The following DENND1A variants were observed in gnomAD, a reference collection of about 807,000 sequenced individuals.
The protein encoded by DENND1A is DENN domain containing 1A, also known as DENN domain-containing protein 1A.
Under a neutral mutation model 113.7 loss-of-function variants are expected in DENND1A, and 51 were observed. The ratio of observed to expected loss-of-function variants is 0.45; its 90% CI spans 0.36 to 0.57. DENND1A has a LOEUF of 0.57. Among genes scored for constraint, DENND1A ranks in the 20% least tolerant of loss-of-function variants. The pLI is 0.00. For synonymous variants in DENND1A, 565 were observed against 570.8 expected, an observed-to-expected ratio of 0.99 and a Z score of 0.14; for missense variants, 1,258 against 1,395.9, an observed-to-expected ratio of 0.90 and a Z score of 1.57.
intron 17 of DENND1A, 104 bp downstream of exon 17, chr9:123,452,172 C>A (rs1024957416): frequency 1.8e-6 from 2 of 1,104,964 alleles, no homozygotes. Flanking sequence ...CCAGCCTGGG[C>A]AACAGAGCAA....
intron 8 of DENND1A, among the ~76,000 whole-genome samples, chr9:123,660,197 C>T (rs900547244): frequency 3.3e-5 from 5 of 152,066 alleles, no homozygotes; most frequent in African/African-American, 7.2e-5. Flanking sequence ...CTACCCCTTT[C>T]GGAGTAGCTC....
chr9:123,514,979 G>A (rs2053781995), intron 13 of DENND1A, among the ~76,000 whole-genome samples: 1 of 152,164 alleles, frequency 6.6e-6, no homozygotes, highest in Non-Finnish European at 1.5e-5. Context: ...GGTGGAATAC[G>A]GTCATGTGTT....
chr9:123,787,467 G>A (rs1752160), intron 3 of DENND1A, among the ~76,000 whole-genome samples: 18,236 of 152,128 alleles, frequency 0.12, 1,427 homozygotes, highest in African/African-American at 0.22. Flanking sequence ...CAAGTTGCAA[G>A]TCTTGTTTAA....
At chr9:123,482,656 C>T (rs1031302984) in intron 13 of DENND1A, among the ~76,000 whole-genome samples, 1 of 152,168 alleles carries the variant, frequency 6.6e-6, no homozygotes, top group African/African-American at 2.4e-5. Flanking sequence ...TCAAGCAGCC[C>T]CATAAAGGAA....
chr9:123,839,586 GACACA>G (rs775516318), intron 2 of DENND1A, among the ~76,000 whole-genome samples: 4 of 152,120 alleles, frequency 2.6e-5, no homozygotes, highest in Admixed American at 1.3e-4. Flanking sequence ...AACAGTATTT[GACACA>G]ACACGACACT....
At position 123,380,127 on chromosome 9, in the gene DENND1A, G is replaced by GTAGAC. The variant is rs1273319113; in HGVS notation, c.*1300_*1304dup. On this transcript the variant is annotated 3_prime_UTR_variant, in exon 24 of 24. Coordinates refer to ENST00000394215, the MANE Select transcript of DENND1A (RefSeq NM_001352964.2). ...CCCCTTGTCCCCCAGACACCCCTGG[G>GTAGAC]TAGACTGTGTCTGACCCTTCACAAA... The GTAGAC allele has an allele frequency of 6.6e-6, 1 of 152,264 alleles. No individual in the cohort carries two copies. Among genetic ancestry groups the GTAGAC allele is most frequent in the East Asian group, 1.9e-4 (1 of 5,202 alleles). The allele number at this position is 152,264 out of a possible 1,614,324, so 9.4% of individuals were successfully genotyped here.
intron 13 of DENND1A, chr9:123,485,638 ACACACACGCGCGCGCGCG>A (rs1199532343): frequency 3.1e-3 from 105 of 33,700 alleles, no homozygotes; most frequent in African/African-American, 9.4e-3. Context: ...GTGTGCGCGT[ACACACACGCGCGCGCGCG>A]CACACACACA....
intron 2 of DENND1A, among the ~76,000 whole-genome samples, chr9:123,817,499 G>A (rs537286662): frequency 6.6e-6 from 1 of 152,190 alleles, no homozygotes; most frequent in Non-Finnish European, 1.5e-5. Flanking sequence ...AATGAGTATT[G>A]CCCTCACAAG....
chr9:123,722,970 T>A (rs1208835024), intron 5 of DENND1A, among the ~76,000 whole-genome samples: 1 of 152,190 alleles, frequency 6.6e-6, no homozygotes, highest in Admixed American at 6.5e-5. Flanking sequence ...CAGCTTGCAC[T>A]GTGTGCCTAG....
At chr9:123,618,468 G>A (rs754226493) in intron 10 of DENND1A, among the ~76,000 whole-genome samples, 2 of 152,228 alleles carry the variant, frequency 1.3e-5, no homozygotes, top group Admixed American at 6.5e-5. Context: ...GTAGGCAGGA[G>A]TCGGGGCCAG....
intron 3 of DENND1A, among the ~76,000 whole-genome samples, chr9:123,770,160 A>T (rs1486992189): frequency 6.6e-6 from 1 of 152,218 alleles, no homozygotes; most frequent in Non-Finnish European, 1.5e-5. Flanking sequence ...TTGGAACCAA[A>T]CTGTAACAGT....
chr9:123,889,492 G>A lies in DENND1A; in HGVS notation c.18-10471C>T, dbSNP rs16926965. Among the ~76,000 whole-genome samples the A allele has an allele frequency of 8.7e-3, 1,324 of 152,140 alleles. 21 individuals carry two copies. The highest frequency in any genetic ancestry group is 0.03 in the African/African-American group (1,256 of 41,488). On this transcript the variant is annotated intron_variant, in intron 1 of 23. Transcript: ENST00000394215. ...CAAAACCATTAGGCTTTCAAATACCGTCACTAAAAGCAATCCAGAAAATAG... is the reference window on the plus strand; with the variant it reads ...CAAAACCATTAGGCTTTCAAATACCATCACTAAAAGCAATCCAGAAAATAG...
chr9:123,928,859 AG>A (rs1857537620), intron 1 of DENND1A: 1 of 985,368 alleles, frequency 1.0e-6, no homozygotes, highest in Non-Finnish European at 1.2e-6. Context: ...TTCTTGTAAG[AG>A]GGTTTAAAGT....
intron 5 of DENND1A, among the ~76,000 whole-genome samples, chr9:123,691,617 C>A (rs1474503335): frequency 6.7e-6 from 1 of 150,070 alleles, no homozygotes; most frequent in East Asian, 1.9e-4. Context: ...CTAGAGCAGT[C>A]CAAAGAGCCC....
intron 13 of DENND1A, among the ~76,000 whole-genome samples, chr9:123,482,240 G>A (rs2050404166): frequency 6.6e-6 from 1 of 152,178 alleles, no homozygotes; most frequent in Non-Finnish European, 1.5e-5. Context: ...TAGGATTACA[G>A]GTGTGCACCA....
intron 12 of DENND1A, among the ~76,000 whole-genome samples, chr9:123,558,245 G>A (rs2057538433): frequency 6.6e-6 from 1 of 152,096 alleles, no homozygotes; most frequent in Middle Eastern, 3.2e-3. Flanking sequence ...CTCAAGACAT[G>A]GGCCACATTC....
At chr9:123,509,610 C>T (rs983001257) in intron 13 of DENND1A, among the ~76,000 whole-genome samples, 1 of 152,198 alleles carries the variant, frequency 6.6e-6, no homozygotes, top group African/African-American at 2.4e-5. Context: ...CTTTACTACT[C>T]TTGGGTGGCA....
chr9:123,925,697 A>G (rs1437947336), intron 1 of DENND1A, among the ~76,000 whole-genome samples: 1 of 152,208 alleles, frequency 6.6e-6, no homozygotes, highest in African/African-American at 2.4e-5. Context: ...TTAGTTCTAC[A>G]GTAGGTAAAT....
chr9:123,408,852 A>G (rs1441225218), intron 20 of DENND1A, among the ~76,000 whole-genome samples: 1 of 152,228 alleles, frequency 6.6e-6, no homozygotes, highest in African/African-American at 2.4e-5. Flanking sequence ...GCTGTCTCCA[A>G]TACTTGAATT....
Sources: allele counts gnomAD v4.1 joint callset (sites outside exome capture counted in the v4.1 genomes callset), GRCh38; gene constraint gnomAD v4.1.1; transcripts MANE v1.5; gene names NCBI Gene and HGNC (gene_info 2026-07-23, HGNC 2026-07-21).